Variants in CCNB1 observed in about 807,000 individuals in gnomAD.
The protein encoded by CCNB1 is cyclin B1, also known as G2/mitotic-specific cyclin-B1.
Under a neutral mutation model 44.4 loss-of-function variants are expected in CCNB1, and 26 were observed. That is an observed-to-expected ratio of 0.59 (90% CI 0.43 to 0.81). The LOEUF (loss-of-function observed/expected upper bound fraction) is 0.81. Among genes scored for constraint, CCNB1 ranks in the 40% least tolerant of loss-of-function variants. The probability of loss-of-function intolerance (pLI) is 0.00; values close to 1 mark genes in which losing one functional copy is unlikely to be tolerated. For missense variants in CCNB1, 477 were observed against 520.9 expected (o/e 0.92, Z 0.82); for synonymous variants, 195 against 181.4 (o/e 1.08, Z -0.60).
chr5:69,177,559 T>G lies in CCNB1; in HGVS notation c.1230T>G (p.Ala410=). 1 of 1,613,692 alleles carries G rather than the reference T, an allele frequency of 6.2e-7. No homozygotes were observed. Among genetic ancestry groups the G allele is most frequent in the Non-Finnish European group, 8.5e-7 (1 of 1,179,620 alleles). The part of the protein sequence containing the change: ...VKNKYATSKH[A]KISTLPQLNS... ...ACAAGTATGCCACATCGAAGCATGC[T>G]AAGATCAGCACTCTACCACAGCTGA... The change falls in exon 9 of 9, where the codon GCT becomes GCG. Residue 410 remains alanine (A), a synonymous_variant. Transcript: ENST00000256442.
Position 69,177,603 on chromosome 5 carries a change from A to C in CCNB1, c.1274A>C (p.Asp425Ala). The change falls in exon 9 of 9, where the codon GAT becomes GCT. Residue 425 changes from aspartate (D) to alanine (A), a missense_variant. Transcript: ENST00000256442. ...LPQLNSALVQDLAKAVAKV is the reference protein window; with the variant it reads ...LPQLNSALVQALAKAVAKV ...CAGCTGAATTCTGCACTAGTTCAAG[A>C]TTTAGCCAAGGCTGTGGCAAAGGTG... The C allele has an allele frequency of 6.2e-7, 1 of 1,612,972 alleles. No individual in the cohort carries two copies. The highest frequency in any genetic ancestry group is 8.5e-7 in the Non-Finnish European group (1 of 1,179,008).
intron 3 of CCNB1, among the ~76,000 whole-genome samples, chr5:69,170,972 C>G (rs561847047): frequency 6.6e-6 from 1 of 151,996 alleles, no homozygotes; most frequent in South Asian, 2.1e-4. Context: ...TTAACAGAGA[C>G]AGGGTTTTGC....
chr5:69,168,160 G>T lies in CCNB1; in HGVS notation c.193-13G>T. The T allele has an allele frequency of 2.5e-6, 4 of 1,613,370 alleles. No homozygotes were observed. Among genetic ancestry groups the T allele is most frequent in the Non-Finnish European group, 8.5e-7 (1 of 1,179,532 alleles). On this transcript the variant is annotated splice_polypyrimidine_tract_variant and intron_variant, in intron 2 of 8. Coordinates refer to ENST00000256442, the MANE Select transcript of CCNB1 (RefSeq NM_031966.4). ...GATGCAGAAACATTTCATTCTCTCT[G>T]TTTCATCTACAGGAAGCAAAACCTT...
At chr5:69,169,211 C>T (rs1232894710) in intron 3 of CCNB1, among the ~76,000 whole-genome samples, 3 of 152,166 alleles carry the variant, frequency 2.0e-5, no homozygotes, top group Non-Finnish European at 2.9e-5. Flanking sequence ...GCTGGGATTA[C>T]AGACGCACGC....
At chr5:69,170,048 C>G (rs1420457849) in intron 3 of CCNB1, among the ~76,000 whole-genome samples, 1 of 152,028 alleles carries the variant, frequency 6.6e-6, no homozygotes, top group Non-Finnish European at 1.5e-5. Flanking sequence ...ACTGCAACCT[C>G]TACCTCCTGG....
In CCNB1 at chr5:69,177,038, A is replaced by G. The variant is rs188662010; in HGVS notation, c.1084-201A>G. The G allele has an allele frequency of 3.6e-5, 15 of 421,354 alleles. No individual in the cohort carries two copies. The East Asian group carries it at 5.6e-4, about 16-fold the overall frequency. 26.1% of individuals were successfully genotyped at this position (421,354 alleles called of 1,614,324 possible). On this transcript the variant is annotated intron_variant, in intron 7 of 8. Transcript: ENST00000256442. ...CTAGTTTTAGGGTGGGCAAGTCAGC[A>G]ATTACAAAAGTGCAATTAGGTTTGA...
At position 69,174,016 on chromosome 5, in the gene CCNB1, A is replaced by AC. The variant is rs1201706497; in HGVS notation, c.547-234dup. 7.2e-5 allele frequency among the ~76,000 whole-genome samples: 11 copies of AC among 152,182 alleles called. 1 individual carries two copies. Among genetic ancestry groups the AC allele is most frequent in the African/African-American group, 2.6e-4 (11 of 41,522 alleles). On this transcript the variant is annotated intron_variant, in intron 4 of 8. Coordinates refer to ENST00000256442, the MANE Select transcript of CCNB1 (RefSeq NM_031966.4). The stretch of plus-strand genomic sequence containing the variant: ...ACTCCTGGCTGCAAGCAATCTGCCA[A>AC]CTTCAGCCTCCCAAAGTGCTGGGAT...
At chr5:69,176,514 G>A (rs954670977) in intron 7 of CCNB1, among the ~76,000 whole-genome samples, 2 of 148,824 alleles carry the variant, frequency 1.3e-5, no homozygotes, top group Non-Finnish European at 3.0e-5. Flanking sequence ...CTGCCACCAC[G>A]CCCGGCTAAT....
rs747537060 is a variant in CCNB1, at chr5:69,171,228, C to T, written c.364-42C>T. On this transcript the variant is annotated intron_variant, in intron 3 of 8. Transcript: ENST00000256442. ...TGAACTTCATGCCCAAACTATAGTG[C>T]TTACTTCTATTTGCTATTTCAAGAT... 2.0e-5 allele frequency: 30 copies of T among 1,508,282 alleles called. No individual in the cohort carries two copies. The East Asian group carries it at 6.1e-4, about 31-fold the overall frequency. 93.4% of individuals were successfully genotyped at this position (1,508,282 alleles called of 1,614,324 possible).
rs1408326518 is a variant in CCNB1, at chr5:69,178,119, T to C, written c.*488T>C. 1 of 152,338 alleles carries C rather than the reference T, an allele frequency of 6.6e-6. No homozygotes were observed. The highest frequency in any genetic ancestry group is 1.5e-5 in the Non-Finnish European group (1 of 68,124). The allele number at this position is 152,338 out of a possible 1,614,324, so 9.4% of individuals were successfully genotyped here. A position where few individuals can be genotyped will look rare whatever the true frequency, so the allele number is the denominator to read the frequency against. ...ATTCTAAGTTATTTACTTTTACCAC[T>C]ATTTAAGTTATCAACTTTAGCTAGT... On this transcript the variant is annotated 3_prime_UTR_variant, in exon 9 of 9. Coordinates refer to ENST00000256442, the MANE Select transcript of CCNB1 (RefSeq NM_031966.4).
At chr5:69,177,163 ATAACATC>A (rs1387432327) in intron 7 of CCNB1, 69 bp from the exon 8 acceptor site, 24 of 802,940 alleles carry the variant, frequency 3.0e-5, no homozygotes, top group South Asian at 2.7e-4. Flanking sequence ...CCACTCCTGA[ATAACATC>A]TAACATCTAG....
chr5:69,175,982 A>AATATATATATATATATAT lies in CCNB1; in HGVS notation c.1083+461_1083+478dup, dbSNP rs68140968. Among the ~76,000 whole-genome samples the AATATATATATATATATAT allele has an allele frequency of 1.8e-3, 207 of 116,334 alleles. 2 individuals are homozygous for AATATATATATATATATAT. Among genetic ancestry groups the AATATATATATATATATAT allele is most frequent in the East Asian group, 4.9e-3 (16 of 3,252 alleles). 76.3% of individuals were successfully genotyped at this position (116,334 alleles called of 152,430 possible). ...CCTCATCTTTACAAAAAATATATAAAATATATATATATATATATATATATA... is the reference window on the plus strand; with the variant it reads ...CCTCATCTTTACAAAAAATATATAAAATATATATATATATATATATATATATATATATATATATATATA... On this transcript the variant is annotated intron_variant, in intron 7 of 8. Coordinates refer to ENST00000256442, the MANE Select transcript of CCNB1 (RefSeq NM_031966.4).
intron 3 of CCNB1, among the ~76,000 whole-genome samples, chr5:69,170,477 G>A (rs996118498): frequency 2.6e-5 from 4 of 152,190 alleles, no homozygotes; most frequent in African/African-American, 9.7e-5. Flanking sequence ...TGAGTAGTGA[G>A]AAGCAGTTTA....
rs1228288955 is a variant in CCNB1, at chr5:69,177,304, G to A, written c.1149G>A (p.Leu383=). The A allele has an allele frequency of 6.2e-7, 1 of 1,613,294 alleles. No individual in the cohort carries two copies. Among genetic ancestry groups the A allele is most frequent in the South Asian group, 1.1e-5 (1 of 91,052 alleles). Residue 383 remains leucine (L), a synonymous_variant, in exon 8 of 9, where the codon CTG becomes CTA. Coordinates refer to ENST00000256442, the MANE Select transcript of CCNB1 (RefSeq NM_031966.4). ...CTCTTCTTCCAGTTATGCAGCACCT[G>A]GCTAAGAATGTAGTCATGGTAAATC... ...EESLLPVMQH[L]AKNVVMVNQG...
At position 69,174,954 on chromosome 5, in the gene CCNB1, G is replaced by T. The variant is rs760107019; in HGVS notation, c.783G>T (p.Met261Ile). Reference protein sequence around the residue: ...AMFIASKYEEMYPPEIGDFAF... With the variant: ...AMFIASKYEEIYPPEIGDFAF... Reference sequence around the variant, plus strand: ...TTATTGCAAGCAAATATGAAGAAATGTACCCTCCAGAAATTGGTGACTTTG... The same window carrying T: ...TTATTGCAAGCAAATATGAAGAAATTTACCCTCCAGAAATTGGTGACTTTG... The change falls in exon 6 of 9, where the codon ATG (methionine) becomes ATT (isoleucine). Residue 261 changes from methionine (M) to isoleucine (I), a missense_variant. Physicochemically the swap from Met to Ile is conservative, Grantham distance 10. Coordinates refer to ENST00000256442, the MANE Select transcript of CCNB1 (RefSeq NM_031966.4). The T allele has an allele frequency of 3.7e-5, 60 of 1,614,070 alleles. 2 individuals carry two copies. The South Asian group carries it at 6.1e-4, about 17-fold the overall frequency.
intron 3 of CCNB1, among the ~76,000 whole-genome samples, chr5:69,170,195 C>T (rs1580209516): frequency 6.6e-6 from 1 of 151,862 alleles, no homozygotes; most frequent in African/African-American, 2.4e-5. Context: ...GTTGGCCAGG[C>T]TGGTCTCGAA....
At chr5:69,171,000 T>C (rs1354647304) in intron 3 of CCNB1, among the ~76,000 whole-genome samples, 1 of 152,118 alleles carries the variant, frequency 6.6e-6, no homozygotes, top group Non-Finnish European at 1.5e-5. Context: ...CCCAGGCTGG[T>C]CTTGAACTCC....
At chr5:69,170,869 C>CA (rs1747443755) in intron 3 of CCNB1, among the ~76,000 whole-genome samples, 1 of 152,194 alleles carries the variant, frequency 6.6e-6, no homozygotes, top group Admixed American at 6.5e-5. Context: ...CCTCCCACCT[C>CA]AGCCACCCAA....
rs865987149 is a variant in CCNB1, at chr5:69,167,983, G to C, written c.97G>C (p.Ala33Pro). 1.2e-6 allele frequency: 2 copies of C among 1,614,194 alleles called. No homozygotes were observed. Among genetic ancestry groups the C allele is most frequent in the Non-Finnish European group, 1.7e-6 (2 of 1,180,020 alleles). ...GAKRVPTAPAATSKPGLRPRT... is the reference protein window; with the variant it reads ...GAKRVPTAPAPTSKPGLRPRT... ...AAAGCGCGTTCCTACGGCCCCTGCT[G>C]CAACCTCCAAGCCCGGACTGAGGCC... is the stretch of plus-strand genomic sequence containing the variant. Residue 33 changes from alanine to proline, a missense_variant, in exon 2 of 9, where the codon GCA (alanine) becomes CCA (proline). Coordinates refer to ENST00000256442, the MANE Select transcript of CCNB1 (RefSeq NM_031966.4).
Sources: gnomAD v4.1 joint callset for allele counts (sites outside exome capture counted in the v4.1 genomes callset) on GRCh38, gnomAD v4.1.1 for gene constraint, MANE v1.5 for transcripts, NCBI Gene and HGNC (gene_info 2026-07-23, HGNC 2026-07-21) for gene names.